Variants in SLC19A1 observed in about 807,000 individuals in gnomAD.
SLC19A1 encodes the protein solute carrier family 19 member 1, also known as reduced folate transporter.
Under a neutral mutation model 35.3 loss-of-function variants are expected in SLC19A1, and 37 were observed. That is an observed-to-expected ratio of 1.05 (90% CI 0.81 to 1.38). The LOEUF is 1.38. Among genes scored for constraint, SLC19A1 ranks in the 40% most tolerant of loss-of-function variants. The pLI is 0.00. For synonymous variants in SLC19A1, 460 were observed against 398.5 expected, an observed-to-expected ratio of 1.15 and a Z score of -1.84; for missense variants, 831 against 826.9, an observed-to-expected ratio of 1.00 and a Z score of -0.06.
At chr21:45,523,454 G>A (rs2077498276) in intron 5 of SLC19A1, among the ~76,000 whole-genome samples, 1 of 152,212 alleles carries the variant, frequency 6.6e-6, no homozygotes, top group Admixed American at 6.5e-5. Context: ...ACCAGGACCA[G>A]GACCAGCTAA....
chr21:45,526,023 C>T, intron 4 of SLC19A1, 65 bp from the exon 5 acceptor site: 1 of 1,569,026 alleles, frequency 6.4e-7, no homozygotes. Flanking sequence ...CAGGGAAAAG[C>T]CTGCAGCCCG....
chr21:45,515,836 G>C lies in SLC19A1; in HGVS notation c.1598C>G (p.Ala533Gly). 1.2e-6 allele frequency: 2 copies of C among 1,604,000 alleles called. No homozygotes were observed. The highest frequency in any genetic ancestry group is 1.7e-6 in the Non-Finnish European group (2 of 1,173,992). ...TGTCACTGGGCTCAGGAATTCAGCT[G>C]CCTGCGGGGCCGGGGCCTGGGCCAG... is the stretch of plus-strand genomic sequence containing the variant. ...PYLAQAPAPQ[A>G]AEFLSPVTTP... The change falls in exon 6 of 6, where the codon GCA (alanine) becomes GGA (glycine). Residue 533 changes from alanine (A) to glycine (G), a missense_variant. Physicochemically the swap from Ala to Gly is moderately conservative, Grantham distance 60. Transcript: ENST00000311124.
rs546073822 is a variant in SLC19A1, at chr21:45,534,649, C to G, written c.190-2501G>C. ...TAGTTGAGGGTCTGAGCGCAGAGCT[C>G]CCCCTTGGCAGCCACCCAGAGCCCT... is the stretch of plus-strand genomic sequence containing the variant. On this transcript the variant is annotated intron_variant, in intron 2 of 5. Transcript: ENST00000311124. The surrounding 1 kb of genome is among the most constrained non-coding windows in gnomAD (Gnocchi z 4.2). 2,034 of 1,521,268 alleles carry G rather than the reference C, an allele frequency of 1.3e-3. 4 individuals are homozygous for G. The highest frequency in any genetic ancestry group is 1.6e-3 in the Non-Finnish European group (1,789 of 1,134,234). 94.2% of individuals were successfully genotyped at this position (1,521,268 alleles called of 1,614,324 possible).
chr21:45,515,369 G>A lies in SLC19A1; in HGVS notation c.*289C>T, dbSNP rs1177707380. ...AAAGGATTTGTCTCAAGCCCCCCAAGGGGCATGAGCCAGTGAGGCCTGGTG... is the reference window on the plus strand; with the variant it reads ...AAAGGATTTGTCTCAAGCCCCCCAAAGGGCATGAGCCAGTGAGGCCTGGTG... On this transcript the variant is annotated 3_prime_UTR_variant, in exon 6 of 6. Coordinates refer to ENST00000311124, the MANE Select transcript of SLC19A1 (RefSeq NM_194255.4). 7.0e-7 allele frequency: 1 copy of A among 1,438,258 alleles called. No individual in the cohort carries two copies. 89.1% of individuals were successfully genotyped at this position (1,438,258 alleles called of 1,614,324 possible).
chr21:45,525,918 G>C lies in SLC19A1; in HGVS notation c.1192C>G (p.Leu398Val). 6.2e-7 allele frequency: 1 copy of C among 1,613,666 alleles called. No homozygotes were observed. The highest frequency in any genetic ancestry group is 8.5e-7 in the Non-Finnish European group (1 of 1,179,952). The change falls in exon 5 of 6, where the codon CTG becomes GTG. Residue 398 changes from leucine to valine, a missense_variant. Leu to Val is a conservative substitution (Grantham distance 32). Transcript: ENST00000311124. ...ASSLSKELCA[L>V]VFGVNTFFAT... ...AAGAACGTGTTGACCCCGAAGACCA[G>C]GGCACAGAGCTCTTTAGACAGAGAA...
At chr21:45,531,271 A>AGGTATCCATGGGGCAGG in intron 3 of SLC19A1, 118 bp downstream of exon 3, 1 of 1,254,860 alleles carries the variant, frequency 8.0e-7, no homozygotes. Flanking sequence ...CTCTGGGGGA[A>AGGTATCCATGGGGCAGG]GGTATCCATG....
At chr21:45,555,638 AGGGCG>A (rs571689463) in intron 1 of SLC19A1, among the ~76,000 whole-genome samples, 41 of 34,344 alleles carry the variant, frequency 1.2e-3, no homozygotes, top group South Asian at 6.6e-3. Flanking sequence ...GGGACTCAGG[AGGGCG>A]GGGCGGGGCG....
At chr21:45,544,541 G>A (rs890707307), upstream of SLC19A1, 1 of 153,656 alleles carries the variant, frequency 6.5e-6, no homozygotes, top group Non-Finnish European at 1.5e-5. Flanking sequence ...CGAGCCTCCA[G>A]CGGTCCCCGT....
intron 4 of SLC19A1, 141 bp from the exon 5 acceptor site, chr21:45,526,099 AG>A: frequency 1.2e-6 from 1 of 850,748 alleles, no homozygotes; most frequent in Non-Finnish European, 1.8e-6. Flanking sequence ...GCCCCCCACC[AG>A]GCCCCCATCT....
Position 45,506,131 on chromosome 21 carries a change from G to A in SLC19A1, c.498-7519C>T, listed in dbSNP as rs1268668186. ...TGGTAAAGTTTAGTAAAATACTTTTGTGAGCAGTTTTGGGTTTAAAGAAAA... is the reference window on the plus strand; with the variant it reads ...TGGTAAAGTTTAGTAAAATACTTTTATGAGCAGTTTTGGGTTTAAAGAAAA... On this transcript the variant is annotated intron_variant, in intron 3 of 4. Transcript: ENST00000417954. 5 of 1,116,014 alleles carry A rather than the reference G, an allele frequency of 4.5e-6. No individual in the cohort carries two copies. The African/African-American group carries it at 4.7e-5, about 10-fold the overall frequency. The allele number at this position is 1,116,014 out of a possible 1,614,324, so 69.1% of individuals were successfully genotyped here. A position where few individuals can be genotyped will look rare whatever the true frequency, so the allele number is the denominator to read the frequency against.
At chr21:45,507,719 C>G (rs2037307438), downstream of SLC19A1, 7 of 897,584 alleles carry the variant, frequency 7.8e-6, no homozygotes, top group South Asian at 9.9e-5. Context: ...GGCTCACCAT[C>G]AGCCCCTGCT....
At chr21:45,558,564 G>T (rs1175588218) in intron 1 of SLC19A1, among the ~76,000 whole-genome samples, 2 of 152,178 alleles carry the variant, frequency 1.3e-5, no homozygotes, top group African/African-American at 2.4e-5. Flanking sequence ...AGTGTGACTT[G>T]AGTTCAGCCC....
At chr21:45,504,345 G>A (rs547167705) in intron 3 of SLC19A1, 235 of 1,501,636 alleles carry the variant, frequency 1.6e-4, no homozygotes, top group African/African-American at 7.0e-4. Context: ...GCCCTGGCTC[G>A]GGGGGATGGG....
At chr21:45,504,466 G>A (rs767027739) in intron 3 of SLC19A1, 1 of 1,609,870 alleles carries the variant, frequency 6.2e-7, no homozygotes, top group East Asian at 2.2e-5. Context: ...AAAGGGGGGA[G>A]CCCGGGGGCG....
chr21:45,510,349 G>T, downstream of SLC19A1: 1 of 1,380,834 alleles, frequency 7.2e-7, no homozygotes, highest in Non-Finnish European at 1.0e-6. Flanking sequence ...CCCCTCTAGG[G>T]CCTCTGGAGG....
chr21:45,521,789 G>A (rs964635596), intron 5 of SLC19A1, among the ~76,000 whole-genome samples: 1 of 152,030 alleles, frequency 6.6e-6, no homozygotes. Flanking sequence ...AAATGATGCT[G>A]GAATAAATGG....
At position 45,525,859 on chromosome 21, in the gene SLC19A1, A is replaced by G. The variant is rs1224387255; in HGVS notation, c.1251T>C (p.Ile417=). 1 of 1,613,394 alleles carries G rather than the reference A, an allele frequency of 6.2e-7. No homozygotes were observed. The highest frequency in any genetic ancestry group is 8.5e-7 in the Non-Finnish European group (1 of 1,179,986). ...ATIVKTIITF[I]VSDVRGLGLP... is the part of the protein sequence containing the mutation. ...GGCCCAGGCCCCGCACGTCCGAGAC[A>G]ATGAAAGTGATGATGGTCTTGACGA... The change falls in exon 5 of 6, where the codon ATT becomes ATC. Residue 417 remains isoleucine, a synonymous_variant. Coordinates refer to ENST00000311124, the MANE Select transcript of SLC19A1 (RefSeq NM_194255.4).
At chr21:45,557,090 G>A (rs2078570757) in intron 1 of SLC19A1, among the ~76,000 whole-genome samples, 1 of 152,204 alleles carries the variant, frequency 6.6e-6, no homozygotes, top group Admixed American at 6.5e-5. Flanking sequence ...TTGGGCACCA[G>A]CCACTGCCTC....
chr21:45,545,622 C>T (rs1476723297), upstream of SLC19A1, among the ~76,000 whole-genome samples: 1 of 152,106 alleles, frequency 6.6e-6, no homozygotes, highest in Admixed American at 6.5e-5. Context: ...ACCACCAAGA[C>T]ATATGCACAG....
Sources: gnomAD v4.1 joint callset for allele counts (sites outside exome capture counted in the v4.1 genomes callset) on GRCh38, gnomAD v4.1.1 for gene constraint, Gnocchi (gnomAD v3.1) non-coding constraint, MANE v1.5 for transcripts, NCBI Gene and HGNC (gene_info 2026-07-23, HGNC 2026-07-21) for gene names.